Variants in GNG10 observed in about 807,000 individuals in gnomAD.
GNG10 encodes the protein guanine nucleotide-binding protein G(I)/G(S)/G(O) subunit gamma-10.
In GNG10, 7 loss-of-function variants were observed where a neutral mutation model predicts 6.8. That is an observed-to-expected ratio of 1.02 (90% CI 0.58 to 1.92). The LOEUF (loss-of-function observed/expected upper bound fraction) is 1.92, where lower values mean the gene tolerates loss of function less well. Ranked by LOEUF, GNG10 falls within the 30% of genes most tolerant of loss-of-function variation. GNG10 has a pLI of 0.00. For missense variants in GNG10, 57 were observed against 86.1 expected (o/e 0.66, Z 1.34); for synonymous variants, 28 against 34.8 (o/e 0.80, Z 0.69).
At chr9:111,665,893 ATTT>A (rs571066443) in intron 1 of GNG10, among the ~76,000 whole-genome samples, 5 of 121,850 alleles carry the variant, frequency 4.1e-5, no homozygotes, top group Admixed American at 8.3e-5. Context: ...CACCCGGTTA[ATTT>A]TTTTTTTTTT....
Sources: allele counts gnomAD v4.1 joint callset (sites outside exome capture counted in the v4.1 genomes callset), GRCh38; gene constraint gnomAD v4.1.1; transcripts MANE v1.5; gene names NCBI Gene and HGNC (gene_info 2026-07-23, HGNC 2026-07-21).